Variants in C9 observed in about 807,000 individuals in gnomAD.
C9 encodes complement C9.
In C9, 63 loss-of-function variants were observed where a neutral mutation model predicts 65.4. The ratio of observed to expected loss-of-function variants is 0.96; its 90% CI spans 0.79 to 1.19. The LOEUF (loss-of-function observed/expected upper bound fraction) is 1.19, where lower values mean the gene tolerates loss of function less well. Ranked by LOEUF, C9 falls within the 50% of genes most tolerant of loss-of-function variation. C9 has a pLI of 0.00. For synonymous variants in C9, 229 were observed against 227.9 expected (o/e 1.00, Z -0.04); for missense variants, 744 against 670.1 (o/e 1.11, Z -1.22).
In C9 at chr5:39,358,910, G is replaced by A. The variant is rs550100084; in HGVS notation, c.77+5478C>T. 2.3e-4 allele frequency among the ~76,000 whole-genome samples: 35 copies of A among 151,286 alleles called. 1 individual carries two copies. The highest frequency in any genetic ancestry group is 2.0e-3 in the Admixed American group (30 of 15,142). ...TGAGACAGGAGAATGGCGTGAACCC[G>A]GGAGGCGGAGCTTACAGGGAGCCGA... On this transcript the variant is annotated intron_variant, in intron 1 of 10. Transcript: ENST00000263408.
At chr5:39,359,114 A>G (rs1456993656) in intron 1 of C9, among the ~76,000 whole-genome samples, 5 of 141,916 alleles carry the variant, frequency 3.5e-5, no homozygotes, top group Admixed American at 2.9e-4. Context: ...ATATATATAT[A>G]TATATATATA....
intron 4 of C9, among the ~76,000 whole-genome samples, chr5:39,339,532 G>T (rs188479180): frequency 7.9e-5 from 12 of 152,044 alleles, no homozygotes; most frequent in Non-Finnish European, 1.8e-4. Flanking sequence ...TTTGGGTCAG[G>T]CTGTCCTATG....
intron 1 of C9, among the ~76,000 whole-genome samples, chr5:39,351,115 AC>A (rs2111974718): frequency 6.6e-6 from 1 of 152,240 alleles, no homozygotes; most frequent in African/African-American, 2.4e-5. Flanking sequence ...TTGGGTTTGT[AC>A]CCTCTGAAGC....
chr5:39,341,861 C>G (rs767812373), intron 2 of C9, among the ~76,000 whole-genome samples, 161 bp from the exon 3 acceptor site: 1 of 152,186 alleles, frequency 6.6e-6, no homozygotes, highest in Non-Finnish European at 1.5e-5. Flanking sequence ...ACTCTGCATT[C>G]TAGGTTTGGC....
intron 1 of C9, among the ~76,000 whole-genome samples, chr5:39,349,199 A>G (rs1038220476): frequency 1.3e-5 from 2 of 150,570 alleles, no homozygotes; most frequent in Non-Finnish European, 3.0e-5. Context: ...AAAAAAACAC[A>G]GAAAAGACTA....
intron 4 of C9, among the ~76,000 whole-genome samples, chr5:39,332,279 A>G (rs1753858148): frequency 6.6e-6 from 1 of 152,122 alleles, no homozygotes; most frequent in East Asian, 1.9e-4. Flanking sequence ...CACTCACCCC[A>G]TTCTCTTTAA....
At chr5:39,307,589 C>T (rs1215949999) in intron 8 of C9, among the ~76,000 whole-genome samples, 2 of 152,112 alleles carry the variant, frequency 1.3e-5, no homozygotes, top group African/African-American at 4.8e-5. Context: ...CTTTTGCCTC[C>T]CCACTACCAG....
intron 1 of C9, among the ~76,000 whole-genome samples, chr5:39,343,472 TG>T (rs1305701043): frequency 6.6e-6 from 1 of 152,046 alleles, no homozygotes. Context: ...GCAGCGAGGC[TG>T]GGGAGGGGCG....
In C9 at chr5:39,306,632, A is replaced by C. The variant is rs201909611; in HGVS notation, c.1401T>G (p.Val467=). Residue 467 remains valine, a synonymous_variant, in exon 9 of 11, where the codon GTT becomes GTG. Coordinates refer to ENST00000263408, the MANE Select transcript of C9 (RefSeq NM_001737.5). ...CGTTTCTTACTTTTTGACTAATGAG[A>C]ACAGGAGCATCATTTATGGAAGAGG... ...NWASSINDAP[V]LISQKLSPIY... 992 of 1,613,104 alleles carry C rather than the reference A, an allele frequency of 6.1e-4. 16 individuals carry two copies. In the South Asian group the frequency reaches 9.1e-3, roughly 15 times the overall value.
intron 1 of C9, among the ~76,000 whole-genome samples, chr5:39,363,519 C>T (rs778883818): frequency 6.6e-6 from 1 of 152,140 alleles, no homozygotes; most frequent in Non-Finnish European, 1.5e-5. Flanking sequence ...TATGTCTGAG[C>T]AGAGGAACAG....
chr5:39,309,375 T>C (rs761263647), intron 7 of C9, among the ~76,000 whole-genome samples: 6 of 152,014 alleles, frequency 3.9e-5, no homozygotes, highest in Non-Finnish European at 7.4e-5. Context: ...AATCATGGGG[T>C]TCTACAAGGA....
intron 1 of C9, among the ~76,000 whole-genome samples, chr5:39,348,263 T>C (rs1170969248): frequency 6.6e-6 from 1 of 152,032 alleles, no homozygotes; most frequent in Non-Finnish European, 1.5e-5. Flanking sequence ...ATTTTTGCAA[T>C]CTACTCATCT....
chr5:39,322,815 A>G (rs1004985902), intron 5 of C9, among the ~76,000 whole-genome samples: 12 of 152,150 alleles, frequency 7.9e-5, no homozygotes, highest in African/African-American at 2.9e-4. Flanking sequence ...AACTATATAA[A>G]TAGCACTTAC....
intron 1 of C9, among the ~76,000 whole-genome samples, chr5:39,350,893 G>GTCCC (rs1561354814): frequency 6.6e-6 from 1 of 152,216 alleles, no homozygotes; most frequent in African/African-American, 2.4e-5. Context: ...CAGTGCCCCA[G>GTCCC]TAGGGACTCT....
intron 9 of C9, among the ~76,000 whole-genome samples, chr5:39,293,440 A>G (rs1469887019): frequency 6.6e-6 from 1 of 152,028 alleles, no homozygotes; most frequent in Non-Finnish European, 1.5e-5. Context: ...GCAGACTTCA[A>G]GTCAAAAACT....
intron 1 of C9, among the ~76,000 whole-genome samples, chr5:39,347,433 G>A (rs920326797): frequency 6.6e-6 from 1 of 152,134 alleles, no homozygotes; most frequent in African/African-American, 2.4e-5. Flanking sequence ...TTGCTTCAAA[G>A]AGAATAAAAT....
In C9 at chr5:39,306,762, T is replaced by G; in HGVS notation, c.1271A>C (p.Asp424Ala). 3.7e-6 allele frequency: 6 copies of G among 1,612,454 alleles called. No individual in the cohort carries two copies. The highest frequency in any genetic ancestry group is 4.2e-6 in the Non-Finnish European group (5 of 1,178,646). ...VNITSENLID[D>A]VVSLIRGGTR... ...TCCACCTCTTATGAGTGAAACAACATCATCTATGAGGTTTTCACTGGTGAT... is the reference window on the plus strand; with the variant it reads ...TCCACCTCTTATGAGTGAAACAACAGCATCTATGAGGTTTTCACTGGTGAT... The change falls in exon 9 of 11, where the codon GAT (aspartate) becomes GCT (alanine). Residue 424 changes from aspartate to alanine, a missense_variant. Physicochemically the swap from Asp to Ala is moderately radical, Grantham distance 126 (BLOSUM62 -2). Transcript: ENST00000263408.
intron 4 of C9, among the ~76,000 whole-genome samples, chr5:39,334,181 G>A (rs1392994247): frequency 4.0e-5 from 6 of 151,108 alleles, no homozygotes; most frequent in Non-Finnish European, 7.4e-5. Flanking sequence ...GCCTCTTCCC[G>A]GCCGCCATCC....
At chr5:39,360,776 A>G (rs1754503370) in intron 1 of C9, among the ~76,000 whole-genome samples, 1 of 152,186 alleles carries the variant, frequency 6.6e-6, no homozygotes, top group African/African-American at 2.4e-5. Flanking sequence ...GAAGTTGACA[A>G]ATATCAAAAG....
Sources: allele counts gnomAD v4.1 joint callset (sites outside exome capture counted in the v4.1 genomes callset), GRCh38; gene constraint gnomAD v4.1.1; transcripts MANE v1.5; gene names NCBI Gene and HGNC (gene_info 2026-07-23, HGNC 2026-07-21).